SPEF2: variants seen among roughly 807,000 people sequenced by gnomAD.
SPEF2 encodes the protein sperm flagellar and cilia associated 2.
A neutral mutation model predicts 224.6 loss-of-function variants in SPEF2; 187 were observed. The observed-to-expected ratio is 0.83, with a 90% CI of 0.74 to 0.94. The LOEUF is 0.94. Among genes scored for constraint, SPEF2 ranks in the 40% least tolerant of loss-of-function variants. The pLI, the probability that SPEF2 is intolerant of heterozygous loss-of-function variation, is 0.00. For synonymous variants in SPEF2, 715 were observed against 707.3 expected (o/e 1.01, Z -0.17); for missense variants, 2,170 against 2,135.6 (o/e 1.02, Z -0.32).
intron 33 of SPEF2, among the ~76,000 whole-genome samples, chr5:35,797,268 C>T (rs1384379556): frequency 3.3e-5 from 5 of 150,806 alleles, no homozygotes; most frequent in African/African-American, 4.9e-5. Context: ...AGAGGCAGGA[C>T]TGTGGAGACT....
intron 23 of SPEF2, among the ~76,000 whole-genome samples, chr5:35,744,624 T>C (rs1268005373): frequency 6.6e-6 from 1 of 152,176 alleles, no homozygotes. Context: ...TTTCCTCTGC[T>C]GTGTCCTCTC....
intron 1 of SPEF2, among the ~76,000 whole-genome samples, chr5:35,627,946 A>G (rs370502530): frequency 2.6e-5 from 4 of 152,290 alleles, no homozygotes; most frequent in African/African-American, 9.6e-5. Context: ...ATGAAGGAGA[A>G]GTTCGATTAT....
At chr5:35,675,842 A>C in intron 10 of SPEF2, 1 of 446,912 alleles carries the variant, frequency 2.2e-6, no homozygotes, top group Non-Finnish European at 4.5e-6. Context: ...GGTTACCAAG[A>C]AACAAGGCTA....
intron 21 of SPEF2, among the ~76,000 whole-genome samples, chr5:35,730,391 C>A (rs1447745808): frequency 6.6e-6 from 1 of 152,220 alleles, no homozygotes; most frequent in Non-Finnish European, 1.5e-5. Context: ...CCATGTGGCC[C>A]ATGTAGTGCC....
chr5:35,788,394 T>C, intron 30 of SPEF2: 1 of 702,776 alleles, frequency 1.4e-6, no homozygotes, highest in Non-Finnish European at 2.6e-6. Context: ...ACATACTTTA[T>C]TGCTGAAGTA....
chr5:35,728,200 G>T lies in SPEF2; in HGVS notation c.3063+377G>T, dbSNP rs575912507. The stretch of plus-strand genomic sequence containing the variant: ...CCCCATCACAATGCTTTTAAGTGAA[G>T]TTTAACCTTTGACTTTTTAGAAGTA... On this transcript the variant is annotated intron_variant, in intron 21 of 36. Coordinates refer to ENST00000356031, the MANE Select transcript of SPEF2 (RefSeq NM_024867.4). Among the ~76,000 whole-genome samples, 6 of 152,256 alleles carry T rather than the reference G, an allele frequency of 3.9e-5. No individual in the cohort carries two copies. In the East Asian group the frequency reaches 7.7e-4, roughly 20 times the overall value.
At chr5:35,715,534 C>G (rs1742376075) in intron 20 of SPEF2, among the ~76,000 whole-genome samples, 1 of 151,988 alleles carries the variant, frequency 6.6e-6, no homozygotes, top group African/African-American at 2.4e-5. Flanking sequence ...AAATTTCGTT[C>G]AGAATCAAGG....
intron 11 of SPEF2, 40 bp downstream of exon 11, chr5:35,691,296 A>G (rs1206232322): frequency 1.3e-6 from 2 of 1,491,852 alleles, no homozygotes; most frequent in African/African-American, 2.8e-5. Flanking sequence ...ATTAGGTCCT[A>G]TTTACACTGA....
Position 35,738,427 on chromosome 5 carries a change from C to CA in SPEF2, c.3064-1491dup, listed in dbSNP as rs560620445. ...GAAGGGATCCAGTTTCAGCTTTCTA[C>CA]ATATGGCTAGCCAGTTTTCCCAGCA... On this transcript the variant is annotated intron_variant, in intron 21 of 36. Coordinates refer to ENST00000356031, the MANE Select transcript of SPEF2 (RefSeq NM_024867.4). Among the ~76,000 whole-genome samples, 238 of 151,732 alleles carry CA rather than the reference C, an allele frequency of 1.6e-3. 1 individual carries two copies. Among genetic ancestry groups the CA allele is most frequent in the Middle Eastern group, 0.014 (4 of 292 alleles).
intron 20 of SPEF2, among the ~76,000 whole-genome samples, chr5:35,715,659 T>C (rs1034903901): frequency 1.3e-5 from 2 of 152,048 alleles, no homozygotes; most frequent in Admixed American, 1.3e-4. Context: ...TGGCTCAGGT[T>C]TAGTATCTGT....
chr5:35,759,849 C>G, intron 25 of SPEF2, 130 bp downstream of exon 25: 1 of 890,864 alleles, frequency 1.1e-6, no homozygotes, highest in Non-Finnish European at 1.6e-6. Flanking sequence ...CTCTAATAAC[C>G]AAACATGTTT....
chr5:35,641,796 G>A, intron 3 of SPEF2, 113 bp downstream of exon 3: 2 of 1,099,178 alleles, frequency 1.8e-6, no homozygotes, highest in Non-Finnish European at 2.6e-6. Context: ...TATCCTTTAT[G>A]TATGTTACTG....
At chr5:35,703,044 A>T (rs1279631985) in intron 16 of SPEF2, among the ~76,000 whole-genome samples, 1 of 151,578 alleles carries the variant, frequency 6.6e-6, no homozygotes, top group Non-Finnish European at 1.5e-5. Flanking sequence ...ACTCCCAAGA[A>T]GTTTATCTCT....
At chr5:35,669,498 G>C (rs1013131500) in intron 9 of SPEF2, among the ~76,000 whole-genome samples, 1 of 151,962 alleles carries the variant, frequency 6.6e-6, no homozygotes, top group Non-Finnish European at 1.5e-5. Context: ...ATTTATGTAC[G>C]CAATTATTTT....
chr5:35,761,296 T>A (rs1458170813), intron 25 of SPEF2, among the ~76,000 whole-genome samples: 1 of 152,242 alleles, frequency 6.6e-6, no homozygotes, highest in Non-Finnish European at 1.5e-5. Context: ...AGCCTCAGTT[T>A]CCTTATCTGT....
At chr5:35,755,467 T>C (rs1227512475) in intron 24 of SPEF2, among the ~76,000 whole-genome samples, 1 of 152,146 alleles carries the variant, frequency 6.6e-6, no homozygotes, top group Non-Finnish European at 1.5e-5. Context: ...CAACAATCCC[T>C]AGATAGAGGA....
intron 8 of SPEF2, among the ~76,000 whole-genome samples, chr5:35,661,233 AG>A (rs1749639320): frequency 7.8e-6 from 1 of 128,766 alleles, no homozygotes; most frequent in Non-Finnish European, 1.6e-5. Flanking sequence ...TGAAGAAAGG[AG>A]GTTTTTTTTT....
At chr5:35,710,075 C>A in intron 19 of SPEF2, 3 of 984,680 alleles carry the variant, frequency 3.0e-6, no homozygotes, top group Non-Finnish European at 3.6e-6. Flanking sequence ...AAAGACCATT[C>A]TGCTCCAGGA....
At position 35,740,168 on chromosome 5, in the gene SPEF2, G is replaced by C. The variant is rs1348841233; in HGVS notation, c.3231G>C (p.Lys1077Asn). 1 of 1,614,128 alleles carries C rather than the reference G, an allele frequency of 6.2e-7. No individual in the cohort carries two copies. Among genetic ancestry groups the C allele is most frequent in the Non-Finnish European group, 8.5e-7 (1 of 1,180,016 alleles). Residue 1077 changes from lysine to asparagine, a missense_variant, in exon 23 of 37, where the codon AAG becomes AAC. Lys to Asn is a moderately conservative substitution (Grantham distance 94). Transcript: ENST00000356031. Reference protein sequence around the residue: ...FQEFLKRPDHKQDFVAQWQAD... With the variant: ...FQEFLKRPDHNQDFVAQWQAD... Reference sequence around the variant, plus strand: ...AGTTTCTAAAGCGTCCGGATCACAAGCAAGATTTTGTAGCTCAATGGCAGG... The same window carrying C: ...AGTTTCTAAAGCGTCCGGATCACAACCAAGATTTTGTAGCTCAATGGCAGG...
Sources: allele counts gnomAD v4.1 joint callset (sites outside exome capture counted in the v4.1 genomes callset), GRCh38; gene constraint gnomAD v4.1.1; transcripts MANE v1.5; gene names NCBI Gene and HGNC (gene_info 2026-07-23, HGNC 2026-07-21).